The following REEP3 variants were observed in gnomAD, a reference collection of about 807,000 sequenced individuals.
REEP3 encodes the protein receptor accessory protein 3, also known as receptor expression-enhancing protein 3.
REEP3 carries 20 observed loss-of-function variants against 41.3 expected under a neutral mutation model. The observed-to-expected ratio is 0.48, with a 90% CI of 0.34 to 0.70. The LOEUF is 0.70. Among genes scored for constraint, REEP3 ranks in the 30% least tolerant of loss-of-function variants. REEP3 has a pLI of 0.01. For synonymous variants in REEP3, 104 were observed against 101.8 expected, an observed-to-expected ratio of 1.02 and a Z score of -0.13; for missense variants, 271 against 308.8, an observed-to-expected ratio of 0.88 and a Z score of 0.92.
intron 1 of REEP3, among the ~76,000 whole-genome samples, chr10:63,542,897 C>T (rs570900058): frequency 6.6e-6 from 1 of 152,288 alleles, no homozygotes; most frequent in South Asian, 2.1e-4. Flanking sequence ...TCTCTGGGCA[C>T]GTTCAAGGTA....
intron 3 of REEP3, 124 bp from the exon 4 acceptor site, chr10:63,597,900 T>G: frequency 1.3e-6 from 1 of 762,262 alleles, no homozygotes; most frequent in Non-Finnish European, 2.0e-6. Flanking sequence ...AGAGCAAAAC[T>G]CCATCTCAAA....
At chr10:63,573,105 T>A (rs904564882) in intron 2 of REEP3, among the ~76,000 whole-genome samples, 1 of 152,232 alleles carries the variant, frequency 6.6e-6, no homozygotes, top group African/African-American at 2.4e-5. Context: ...CCCCAACTAC[T>A]ACCATTCCCC....
intron 2 of REEP3, among the ~76,000 whole-genome samples, chr10:63,580,198 G>A (rs1371202150): frequency 1.3e-5 from 2 of 152,114 alleles, no homozygotes; most frequent in East Asian, 1.9e-4. Flanking sequence ...GTGCAGTGGT[G>A]TGGTCAAACT....
intron 1 of REEP3, among the ~76,000 whole-genome samples, chr10:63,542,618 A>G (rs1955538958): frequency 6.6e-6 from 1 of 152,222 alleles, no homozygotes; most frequent in South Asian, 2.1e-4. Flanking sequence ...CTTTAAAACA[A>G]TCCATTTGCA....
At chr10:63,576,862 A>G (rs1205296566) in intron 2 of REEP3, among the ~76,000 whole-genome samples, 1 of 152,166 alleles carries the variant, frequency 6.6e-6, no homozygotes, top group Non-Finnish European at 1.5e-5. Flanking sequence ...TCCTTTTCAT[A>G]TAAAGACACC....
chr10:63,564,867 A>C (rs1224713326), intron 1 of REEP3, among the ~76,000 whole-genome samples: 1 of 152,260 alleles, frequency 6.6e-6, no homozygotes, highest in Non-Finnish European at 1.5e-5. Flanking sequence ...AGTGTTGTGT[A>C]GAATAGTAAA....
At chr10:63,611,784 A>AT (rs201172016) in intron 6 of REEP3, among the ~76,000 whole-genome samples, 5,858 of 151,520 alleles carry the variant, frequency 0.039, 171 homozygotes, top group African/African-American at 0.073. Flanking sequence ...TGCAAAAAAA[A>AT]ATTTTTTTTT....
At chr10:63,521,611 C>T in intron 1 of REEP3, 34 bp downstream of exon 1, 1 of 1,385,154 alleles carries the variant, frequency 7.2e-7, no homozygotes. Context: ...GCAGCCGGCG[C>T]GAGGCCCAGG....
At position 63,589,806 on chromosome 10, in the gene REEP3, TTTTTTG is replaced by T. The variant is rs1401738257; in HGVS notation, c.106-4971_106-4966del. Among the ~76,000 whole-genome samples the T allele has an allele frequency of 1.8e-3, 250 of 139,494 alleles. 6 individuals carry two copies. Among genetic ancestry groups the T allele is most frequent in the Non-Finnish European group, 3.1e-3 (197 of 63,090 alleles). The allele number at this position is 139,494 out of a possible 152,430, so 91.5% of individuals were successfully genotyped here. ...ACATCTTTTTTTTTTTTTTTTTTTT[TTTTTTG>T]GAAACGGAGTCTTGCTCTGTTGCCC... is the stretch of plus-strand genomic sequence containing the variant. On this transcript the variant is annotated intron_variant, in intron 2 of 7. Transcript: ENST00000373758.
At chr10:63,540,790 C>T (rs117025539) in intron 1 of REEP3, among the ~76,000 whole-genome samples, 2,602 of 152,204 alleles carry the variant, frequency 0.017, 26 homozygotes, top group Non-Finnish European at 0.027. Flanking sequence ...CTCACTCTGT[C>T]TCCTAGGCTG....
At chr10:63,529,797 C>A (rs1246112838) in intron 1 of REEP3, among the ~76,000 whole-genome samples, 1 of 139,564 alleles carries the variant, frequency 7.2e-6, no homozygotes, top group Non-Finnish European at 1.5e-5. Flanking sequence ...TTTTTTGAGA[C>A]TGAGGAGTTT....
intron 1 of REEP3, among the ~76,000 whole-genome samples, chr10:63,547,956 T>C (rs1955593678): frequency 1.3e-5 from 2 of 152,328 alleles, no homozygotes; most frequent in South Asian, 4.1e-4. Flanking sequence ...GTACAAAGAA[T>C]GCCTATTTTC....
chr10:63,531,278 T>G (rs1454592496), intron 1 of REEP3, among the ~76,000 whole-genome samples: 1 of 152,256 alleles, frequency 6.6e-6, no homozygotes, highest in African/African-American at 2.4e-5. Context: ...TTTGAAGATG[T>G]TTTAATATAT....
At chr10:63,578,106 T>C (rs550269275) in intron 2 of REEP3, among the ~76,000 whole-genome samples, 12 of 152,292 alleles carry the variant, frequency 7.9e-5, no homozygotes, top group African/African-American at 2.9e-4. Context: ...TATGTATGTA[T>C]TTATTTATTT....
chr10:63,526,822 A>G (rs1706175284), intron 1 of REEP3, among the ~76,000 whole-genome samples: 1 of 152,130 alleles, frequency 6.6e-6, no homozygotes, highest in South Asian at 2.1e-4. Flanking sequence ...GTGTTTCTCA[A>G]TCTAATTTCA....
intron 2 of REEP3, 99 bp downstream of exon 2, chr10:63,566,509 G>C (rs1002008156): frequency 1.5e-6 from 1 of 676,264 alleles, no homozygotes; most frequent in African/African-American, 1.9e-5. Context: ...GTAGTGTTTT[G>C]GGTTAAAAGG....
intron 5 of REEP3, among the ~76,000 whole-genome samples, chr10:63,603,765 C>T (rs967632542): frequency 6.6e-6 from 1 of 152,198 alleles, no homozygotes; most frequent in Non-Finnish European, 1.5e-5. Flanking sequence ...ATATTATTCA[C>T]TAGCATATTC....
chr10:63,608,798 A>C (rs1466005789), intron 5 of REEP3, among the ~76,000 whole-genome samples: 2 of 152,188 alleles, frequency 1.3e-5, no homozygotes, highest in Non-Finnish European at 2.9e-5. Context: ...AGCTGCTGTG[A>C]TGGAAATGTT....
At chr10:63,598,348 G>T (rs997154086) in intron 4 of REEP3, among the ~76,000 whole-genome samples, 4 of 151,724 alleles carry the variant, frequency 2.6e-5, no homozygotes, top group African/African-American at 7.3e-5. Flanking sequence ...ACCAGGTATG[G>T]TGGTGCATGC....
Sources: gnomAD v4.1 joint callset for allele counts (sites outside exome capture counted in the v4.1 genomes callset) on GRCh38, gnomAD v4.1.1 for gene constraint, MANE v1.5 for transcripts, NCBI Gene and HGNC (gene_info 2026-07-23, HGNC 2026-07-21) for gene names.